DIAPH3: variants seen among roughly 807,000 people sequenced by gnomAD.
DIAPH3 encodes protein diaphanous homolog 3.
A neutral mutation model predicts 144.3 loss-of-function variants in DIAPH3; 117 were observed. The ratio of observed to expected loss-of-function variants is 0.81; its 90% CI spans 0.70 to 0.95. DIAPH3 has a LOEUF of 0.95. DIAPH3 is among the 40% of genes least tolerant of loss of function. The pLI is 0.00. For synonymous variants in DIAPH3, 519 were observed against 488.9 expected, an observed-to-expected ratio of 1.06 and a Z score of -0.81; for missense variants, 1,421 against 1,412.7, an observed-to-expected ratio of 1.01 and a Z score of -0.09.
chr13:60,041,295 C>G (rs2055649762), intron 5 of DIAPH3, among the ~76,000 whole-genome samples: 1 of 152,200 alleles, frequency 6.6e-6, no homozygotes, highest in Non-Finnish European at 1.5e-5. Flanking sequence ...CTCATTGTTT[C>G]AATCAACAAA....
At chr13:59,976,548 T>C (rs766066128) in intron 14 of DIAPH3, among the ~76,000 whole-genome samples, 1 of 151,822 alleles carries the variant, frequency 6.6e-6, no homozygotes, top group Non-Finnish European at 1.5e-5. Context: ...TACCTACAAA[T>C]AGGCCTCCAT....
intron 17 of DIAPH3, among the ~76,000 whole-genome samples, chr13:59,939,547 C>T (rs963041995): frequency 4.6e-5 from 7 of 151,976 alleles, no homozygotes; most frequent in Admixed American, 6.6e-5. Flanking sequence ...TGTTCTTTGT[C>T]GCATAAAGAC....
intron 1 of DIAPH3, among the ~76,000 whole-genome samples, chr13:60,136,771 T>C (rs1472078230): frequency 6.6e-6 from 1 of 151,450 alleles, no homozygotes; most frequent in Non-Finnish European, 1.5e-5. Context: ...CCGTCTCTAC[T>C]AAAAATACAA....
intron 4 of DIAPH3, among the ~76,000 whole-genome samples, chr13:60,081,512 A>G (rs2057557340): frequency 6.6e-6 from 1 of 152,064 alleles, no homozygotes; most frequent in Non-Finnish European, 1.5e-5. Flanking sequence ...ATCAGAGACT[A>G]GAGGAGCTAG....
In DIAPH3 at chr13:60,006,542, G is replaced by T. The variant is rs920640359; in HGVS notation, c.1014+2002C>A. ...AATCTTCAGATGAATAAAAAGCCTG[G>T]GACCAGATGACAAAGAAACTTGTTC... On this transcript the variant is annotated intron_variant, in intron 9 of 27. Coordinates refer to ENST00000400324, the MANE Select transcript of DIAPH3 (RefSeq NM_001042517.2). 6.6e-5 allele frequency among the ~76,000 whole-genome samples: 10 copies of T among 152,200 alleles called. 1 individual carries two copies. Among genetic ancestry groups the T allele is most frequent in the Admixed American group, 5.9e-4 (9 of 15,286 alleles).
chr13:59,844,645 A>G (rs2042535325), intron 22 of DIAPH3, among the ~76,000 whole-genome samples: 1 of 152,216 alleles, frequency 6.6e-6, no homozygotes, highest in South Asian at 2.1e-4. Context: ...TCTTCTCACC[A>G]AGAAATTAAT....
Position 60,016,142 on chromosome 13 carries a change from C to T in DIAPH3, c.630G>A (p.Trp210Ter), listed in dbSNP as rs1241989547. The change falls in exon 6 of 28, where the codon TGG becomes TGA. Residue 210 changes from tryptophan to a stop codon, truncating the protein, a stop_gained. Coordinates refer to ENST00000400324, the MANE Select transcript of DIAPH3 (RefSeq NM_001042517.2). LOFTEE classifies it high-confidence loss of function. ...GCCCTTCATGTCCAAAGCTTTCCAC[C>T]CAACTGAAAAACAGAAAAAAGACAG... Reference protein sequence around the residue: ...RVSLTSNPVSWVESFGHEGLG... With the variant: ...RVSLTSNPVS The T allele has an allele frequency of 6.2e-7, 1 of 1,613,428 alleles. No individual in the cohort carries two copies. Among genetic ancestry groups the T allele is most frequent in the Non-Finnish European group, 8.5e-7 (1 of 1,179,760 alleles).
chr13:59,743,965 G>A (rs940216027), intron 27 of DIAPH3, among the ~76,000 whole-genome samples: 1 of 152,094 alleles, frequency 6.6e-6, no homozygotes, highest in Non-Finnish European at 1.5e-5. Flanking sequence ...ACATAATCAA[G>A]TAAAATGGTG....
At chr13:59,964,674 C>T (rs539078450) in intron 17 of DIAPH3, among the ~76,000 whole-genome samples, 7 of 152,136 alleles carry the variant, frequency 4.6e-5, no homozygotes, top group South Asian at 2.1e-4. Flanking sequence ...CCATTTCTTC[C>T]GCACCCCAAC....
intron 21 of DIAPH3, among the ~76,000 whole-genome samples, chr13:59,874,822 T>A (rs377174823): frequency 6.6e-6 from 1 of 152,212 alleles, no homozygotes; most frequent in Non-Finnish European, 1.5e-5. Flanking sequence ...ATTCAATCAA[T>A]CACCTGGAAC....
At chr13:60,026,080 T>C (rs1039888879) in intron 5 of DIAPH3, among the ~76,000 whole-genome samples, 1 of 152,196 alleles carries the variant, frequency 6.6e-6, no homozygotes, top group Non-Finnish European at 1.5e-5. Flanking sequence ...TGTACATATG[T>C]GTAGCTATAC....
intron 7 of DIAPH3, among the ~76,000 whole-genome samples, chr13:60,013,601 C>T (rs922941899): frequency 9.9e-5 from 15 of 152,110 alleles, no homozygotes; most frequent in Admixed American, 6.5e-5. Flanking sequence ...ACTCTTAGTC[C>T]AATTTAATGT....
chr13:59,687,326 T>C (rs1473838373), intron 27 of DIAPH3, among the ~76,000 whole-genome samples: 2 of 152,054 alleles, frequency 1.3e-5, no homozygotes, highest in African/African-American at 2.4e-5. Context: ...AGTCTAAAAA[T>C]CAGCCAACAT....
chr13:59,992,758 G>A (rs916535241), intron 9 of DIAPH3, among the ~76,000 whole-genome samples, 175 bp from the exon 10 acceptor site: 5 of 148,076 alleles, frequency 3.4e-5, no homozygotes, highest in Admixed American at 1.4e-4. Flanking sequence ...TTTCAGTGGC[G>A]TTTTTTATTT....
intron 2 of DIAPH3, among the ~76,000 whole-genome samples, chr13:60,128,850 C>A (rs1294156001): frequency 4.6e-5 from 7 of 151,308 alleles, no homozygotes; most frequent in Admixed American, 4.6e-4. Flanking sequence ...GATCAGAATT[C>A]ATTTTGCTTA....
intron 23 of DIAPH3, among the ~76,000 whole-genome samples, chr13:59,834,482 A>G (rs1030274806): frequency 9.2e-5 from 14 of 151,688 alleles, no homozygotes; most frequent in Non-Finnish European, 1.5e-5. Context: ...TCAAAAAGAT[A>G]TGGTTCTTCT....
chr13:60,075,810 G>T (rs2057358087), intron 4 of DIAPH3, among the ~76,000 whole-genome samples: 1 of 152,160 alleles, frequency 6.6e-6, no homozygotes, highest in South Asian at 2.1e-4. Flanking sequence ...GCAGAAAACT[G>T]CTATAATCAA....
chr13:59,926,685 T>A (rs1267376761), intron 17 of DIAPH3, among the ~76,000 whole-genome samples: 1 of 152,218 alleles, frequency 6.6e-6, no homozygotes, highest in Admixed American at 6.5e-5. Context: ...CATTGTGAGC[T>A]ACAAAGATAC....
intron 5 of DIAPH3, among the ~76,000 whole-genome samples, chr13:60,031,077 T>G (rs892021145): frequency 6.6e-6 from 1 of 152,172 alleles, no homozygotes; most frequent in Non-Finnish European, 1.5e-5. Context: ...AGAGGTTAAT[T>G]GGCTCGCAGT....
Sources: allele counts gnomAD v4.1 joint callset (sites outside exome capture counted in the v4.1 genomes callset), GRCh38; gene constraint gnomAD v4.1.1; transcripts MANE v1.5; gene names NCBI Gene and HGNC (gene_info 2026-07-23, HGNC 2026-07-21).